POLR3GL: variants seen among roughly 807,000 people sequenced by gnomAD.
The protein encoded by POLR3GL is DNA-directed RNA polymerase III subunit RPC7-like.
In POLR3GL, 26 loss-of-function variants were observed where a neutral mutation model predicts 32.4. The observed-to-expected ratio is 0.80, with a 90% CI of 0.59 to 1.11. The LOEUF is 1.11. POLR3GL is among the 50% of genes most tolerant of loss of function. The pLI is 0.00. For missense variants in POLR3GL, 229 were observed against 280.1 expected (o/e 0.82, Z 1.30); for synonymous variants, 95 against 98.7 (o/e 0.96, Z 0.22).
At position 145,974,978 on chromosome 1, in the gene POLR3GL, C is replaced by T; in HGVS notation, c.113C>T (p.Ser38Phe). 1 of 1,517,504 alleles carries T rather than the reference C, an allele frequency of 6.6e-7. No individual in the cohort carries two copies. Among genetic ancestry groups the T allele is most frequent in the East Asian group, 2.4e-5 (1 of 41,028 alleles). 94.0% of individuals were successfully genotyped at this position (1,517,504 alleles called of 1,614,324 possible). ...TTGCCCCCACCCACCCTGCAGCCTT[C>T]TCCACTCTTCCCTGTGAGTCTCTCC... Reference protein sequence around the residue: ...DALPPPTLQPSPLFPPLEFRP... With the variant: ...DALPPPTLQPFPLFPPLEFRP... Residue 38 changes from serine to phenylalanine, a missense_variant, in exon 2 of 8, where the codon TCT becomes TTT. Coordinates refer to ENST00000369314, the MANE Select transcript of POLR3GL (RefSeq NM_032305.3).
Position 145,976,827 on chromosome 1 carries a change from C to T in POLR3GL, c.257-257C>T, listed in dbSNP as rs191285942. Among the ~76,000 whole-genome samples the T allele has an allele frequency of 2.5e-4, 36 of 146,924 alleles. No homozygotes were observed. In the East Asian group the frequency reaches 3.9e-3, roughly 16 times the overall value. Reference sequence around the variant, plus strand: ...ACTCAGGAGACTGAGGCAGGAGAATCGCTTGAACCTGGGAGGTGGAGGTTG... The same window carrying T: ...ACTCAGGAGACTGAGGCAGGAGAATTGCTTGAACCTGGGAGGTGGAGGTTG... On this transcript the variant is annotated intron_variant, in intron 3 of 7. Coordinates refer to ENST00000369314, the MANE Select transcript of POLR3GL (RefSeq NM_032305.3).
At chr1:145,971,272 T>C (rs1030877245) in intron 1 of POLR3GL, among the ~76,000 whole-genome samples, 5 of 152,072 alleles carry the variant, frequency 3.3e-5, no homozygotes, top group Non-Finnish European at 5.9e-5. Flanking sequence ...CTAAGGTTGA[T>C]ACTTGATTGA....
Position 145,975,321 on chromosome 1 carries a change from C to G in POLR3GL, c.141C>G (p.Arg47=). 1.2e-6 allele frequency: 2 copies of G among 1,614,154 alleles called. No individual in the cohort carries two copies. The highest frequency in any genetic ancestry group is 8.5e-7 in the Non-Finnish European group (1 of 1,179,960). ...PSPLFPPLEF[R]PVPLPSGEEG... ...TGCCTCTTTAGCCCTTGGAGTTCCG[C>G]CCAGTACCTTTGCCCTCAGGCGAGG... The change falls in exon 3 of 8, where the codon CGC becomes CGG. Residue 47 remains arginine (R), a synonymous_variant. Transcript: ENST00000369314.
At chr1:145,968,724 A>G (rs1375498007) in intron 1 of POLR3GL, among the ~76,000 whole-genome samples, 2 of 151,980 alleles carry the variant, frequency 1.3e-5, no homozygotes, top group African/African-American at 2.4e-5. Flanking sequence ...GGCGTGCACC[A>G]CCACGCCTGG....
At chr1:145,977,589 C>A in intron 5 of POLR3GL, 50 bp downstream of exon 5, 1 of 1,545,014 alleles carries the variant, frequency 6.5e-7, no homozygotes, top group Non-Finnish European at 9.0e-7. Flanking sequence ...CCTTCATCAG[C>A]CTGAGGGCCG....
chr1:145,968,688 C>T (rs1227923434), intron 1 of POLR3GL, among the ~76,000 whole-genome samples: 3 of 151,968 alleles, frequency 2.0e-5, no homozygotes, highest in African/African-American at 7.2e-5. Flanking sequence ...TCTCCTGCCT[C>T]GGCCTCCTGA....
At position 145,978,353 on chromosome 1, in the gene POLR3GL, CA is replaced by C; in HGVS notation, c.571-7del. Reference sequence around the variant, plus strand: ...AATTGACTTTTACTTTTTTTTTTTCCATTTCAGGAAACTGATTACATCATGT... The same window carrying C: ...AATTGACTTTTACTTTTTTTTTTTCCTTTCAGGAAACTGATTACATCATGT... On this transcript the variant is annotated splice_region_variant and splice_polypyrimidine_tract_variant and intron_variant, in intron 7 of 7. Coordinates refer to ENST00000369314, the MANE Select transcript of POLR3GL (RefSeq NM_032305.3). 9.4e-7 allele frequency: 1 copy of C among 1,060,316 alleles called. No homozygotes were observed. The highest frequency in any genetic ancestry group is 1.4e-6 in the Non-Finnish European group (1 of 739,310). The allele number at this position is 1,060,316 out of a possible 1,614,324, so 65.7% of individuals were successfully genotyped here. A position where few individuals can be genotyped will look rare whatever the true frequency, so the allele number is the denominator to read the frequency against.
At chr1:145,975,579 A>C (rs1041588630) in intron 3 of POLR3GL, 143 bp downstream of exon 3, 1 of 880,410 alleles carries the variant, frequency 1.1e-6, no homozygotes, top group South Asian at 2.1e-5. Flanking sequence ...TCTGAAATGC[A>C]TTATAGTATT....
intron 1 of POLR3GL, among the ~76,000 whole-genome samples, chr1:145,968,673 G>A (rs1553762269): frequency 1.3e-5 from 2 of 151,586 alleles, no homozygotes; most frequent in Non-Finnish European, 2.9e-5. Context: ...CTGATTTCAA[G>A]TTATTCTCCT....
chr1:145,968,553 T>C (rs587680434), intron 1 of POLR3GL, among the ~76,000 whole-genome samples: 6 of 151,848 alleles, frequency 4.0e-5, no homozygotes, highest in Non-Finnish European at 8.8e-5. Context: ...TAAAAGGGGC[T>C]GAAGACACGG....
chr1:145,970,875 C>CAAAAAAAAA (rs35524546), intron 1 of POLR3GL, among the ~76,000 whole-genome samples: 1 of 13,202 alleles, frequency 7.6e-5, no homozygotes, highest in Non-Finnish European at 1.1e-4. Flanking sequence ...AACTCCATCT[C>CAAAAAAAAA]AAAAAAAAAA....
In POLR3GL at chr1:145,970,045, A is replaced by G. The variant is rs141356458; in HGVS notation, c.-41-4780A>G. On this transcript the variant is annotated intron_variant, in intron 1 of 7. Transcript: ENST00000369314. ...CTTCTATAACAGATTTTTAATTCATATGTGTGTATGTATTTCTGACAGAAG... is the reference window on the plus strand; with the variant it reads ...CTTCTATAACAGATTTTTAATTCATGTGTGTGTATGTATTTCTGACAGAAG... Among the ~76,000 whole-genome samples, 288 of 152,190 alleles carry G rather than the reference A, an allele frequency of 1.9e-3. 1 individual carries two copies. The highest frequency in any genetic ancestry group is 6.5e-3 in the African/African-American group (268 of 41,520).
intron 1 of POLR3GL, among the ~76,000 whole-genome samples, chr1:145,965,516 G>A (rs1649977148): frequency 6.6e-6 from 1 of 152,190 alleles, no homozygotes; most frequent in Admixed American, 6.5e-5. Flanking sequence ...AGTTTGGAAA[G>A]GCCCATAGAA....
chr1:145,969,390 G>C (rs1197165609), intron 1 of POLR3GL, among the ~76,000 whole-genome samples: 1 of 151,780 alleles, frequency 6.6e-6, no homozygotes, highest in Non-Finnish European at 1.5e-5. Context: ...TCAGCTTCCT[G>C]AGTAGCTGGG....
At chr1:145,972,013 CGTGTGT>C (rs1206867198) in intron 1 of POLR3GL, among the ~76,000 whole-genome samples, 40 of 97,382 alleles carry the variant, frequency 4.1e-4, no homozygotes, top group Non-Finnish European at 6.8e-4. Flanking sequence ...TATATATATA[CGTGTGT>C]GTGTGTGTGT....
At chr1:145,978,150 G>A in intron 7 of POLR3GL, 54 bp downstream of exon 7, 1 of 1,562,934 alleles carries the variant, frequency 6.4e-7, no homozygotes, top group South Asian at 1.2e-5. Context: ...CTTTATACTA[G>A]GGTTGCTCTC....
At chr1:145,977,922 C>T in intron 6 of POLR3GL, 61 bp from the exon 7 acceptor site, 1 of 1,613,820 alleles carries the variant, frequency 6.2e-7, no homozygotes, top group Non-Finnish European at 8.5e-7. Flanking sequence ...CCATGTGTGC[C>T]TCAATTTTTC....
chr1:145,977,410 T>G, intron 4 of POLR3GL, 73 bp from the exon 5 acceptor site: 2 of 1,467,606 alleles, frequency 1.4e-6, no homozygotes, highest in South Asian at 2.3e-5. Flanking sequence ...CTCACCCCCC[T>G]TTAAAACCAG....
At chr1:145,976,512 G>A (rs990012635) in intron 3 of POLR3GL, among the ~76,000 whole-genome samples, 4 of 152,034 alleles carry the variant, frequency 2.6e-5, no homozygotes, top group Non-Finnish European at 4.4e-5. Context: ...GGGAGGCGGA[G>A]GTTGCAGTGG....
Sources: allele counts gnomAD v4.1 joint callset (sites outside exome capture counted in the v4.1 genomes callset), GRCh38; gene constraint gnomAD v4.1.1; transcripts MANE v1.5; gene names NCBI Gene and HGNC (gene_info 2026-07-23, HGNC 2026-07-21).